SLC25A3: variants seen among roughly 807,000 people sequenced by gnomAD.
SLC25A3 encodes the protein solute carrier family 25 member 3, also known as phosphate transport protein.
SLC25A3 carries 14 observed loss-of-function variants against 37.1 expected under a neutral mutation model. The ratio of observed to expected loss-of-function variants is 0.38; its 90% confidence interval spans 0.25 to 0.59. The LOEUF (loss-of-function observed/expected upper bound fraction) is 0.59, where lower values mean the gene tolerates loss of function less well. SLC25A3 is among the 20% of genes least tolerant of loss of function. SLC25A3 has a pLI of 0.67. For synonymous variants in SLC25A3, 161 were observed against 168.7 expected (o/e 0.95, Z 0.36); for missense variants, 385 against 458.1 (o/e 0.84, Z 1.46).
At chr12:98,595,348 A>G in intron 2 of SLC25A3, 2 of 1,472,062 alleles carry the variant, frequency 1.4e-6, no homozygotes, top group Admixed American at 1.7e-5. Flanking sequence ...ATAGTATCTC[A>G]CAGGGAAACA....
At chr12:98,594,398 G>A in intron 2 of SLC25A3, 1 of 697,308 alleles carries the variant, frequency 1.4e-6, no homozygotes, top group Non-Finnish European at 2.6e-6. Flanking sequence ...GAGAGGCCGT[G>A]ACTAGCTCTT....
chr12:98,598,885 C>T (rs564666897), intron 5 of SLC25A3, among the ~76,000 whole-genome samples, 182 bp downstream of exon 5: 2 of 151,660 alleles, frequency 1.3e-5, no homozygotes, highest in African/African-American at 4.8e-5. Flanking sequence ...ACGCCATTCT[C>T]CTGCCTCAGC....
chr12:98,601,302 TGAAA>T (rs749334032), intron 7 of SLC25A3, 21 bp downstream of exon 7: 4 of 1,614,200 alleles, frequency 2.5e-6, no homozygotes, highest in African/African-American at 1.3e-5. Flanking sequence ...GTTTTTTTCT[TGAAA>T]GAAAGAACAA....
intron 2 of SLC25A3, chr12:98,595,271 A>G: frequency 1.5e-6 from 1 of 666,202 alleles, no homozygotes; most frequent in Non-Finnish European, 2.6e-6. Context: ...TTTTTAAATG[A>G]TCTGAATTTG....
In SLC25A3 at chr12:98,593,995, C is replaced by G; in HGVS notation, c.17C>G (p.Ala6Gly). ...CCTAGAAAGATGTTCTCGTCCGTGG[C>G]GCACCTGGCGCGGGCGAACCCCTTC... MFSSV[A>G]HLARANPFNT... Residue 6 changes from alanine to glycine, a missense_variant, in exon 2 of 8, where the codon GCG becomes GGG. Around this residue, in one of 2 missense-constraint regions of SLC25A3, gnomAD observed 109 missense variants for 90.5 expected, o/e 1.20. Transcript: ENST00000552981. 1.2e-6 allele frequency: 2 copies of G among 1,613,852 alleles called. No individual in the cohort carries two copies. The highest frequency in any genetic ancestry group is 1.1e-5 in the South Asian group (1 of 91,084).
At chr12:98,595,647 C>G (rs997245146) in intron 2 of SLC25A3, 80 bp from the exon 3 acceptor site, 1 of 1,613,512 alleles carries the variant, frequency 6.2e-7, no homozygotes, top group South Asian at 1.1e-5. Context: ...GTGTGGAAAC[C>G]TAACTGTCCA....
At chr12:98,595,672 G>C in intron 2 of SLC25A3, 55 bp from the exon 3 acceptor site, 1 of 1,614,006 alleles carries the variant, frequency 6.2e-7, no homozygotes, top group Admixed American at 1.7e-5. Flanking sequence ...GTAAGTTTAT[G>C]ACCAGTAACA....
chr12:98,606,358 A>G lies in SLC25A3; in HGVS notation c.*4830A>G, dbSNP rs958525290. 3.3e-5 allele frequency: 5 copies of G among 152,228 alleles called. No homozygotes were observed. Among genetic ancestry groups the G allele is most frequent in the Non-Finnish European group, 5.9e-5 (4 of 68,032 alleles). 9.4% of individuals were successfully genotyped at this position (152,228 alleles called of 1,614,324 possible). On this transcript the variant is annotated 3_prime_UTR_variant, in exon 8 of 8. Coordinates refer to ENST00000552981, the MANE Select transcript of SLC25A3 (RefSeq NM_002635.4). ...AAAATTAAAAAATTAAACATAAATA[A>G]AAGTTCAAACTATGTGTTGAATCAT...
intron 5 of SLC25A3, among the ~76,000 whole-genome samples, chr12:98,598,977 C>T (rs539335423): frequency 6.3e-4 from 95 of 151,996 alleles, no homozygotes; most frequent in African/African-American, 2.1e-3. Context: ...GGAGTTTCAC[C>T]GTCTCCATCT....
At chr12:98,599,531 C>G (rs2097595937) in intron 5 of SLC25A3, 1 of 429,258 alleles carries the variant, frequency 2.3e-6, no homozygotes, top group Non-Finnish European at 4.5e-6. Flanking sequence ...ATTTGTCGGT[C>G]TACAAATGAC....
rs570706691 is a variant in SLC25A3, at chr12:98,603,336, T to C, written c.*1808T>C. The stretch of plus-strand genomic sequence containing the variant: ...CATGGTGGCTTCAGGGCAGCTGGAC[T>C]TAGGTGGTATTTTGGGGCTCCAGGA... On this transcript the variant is annotated 3_prime_UTR_variant, in exon 8 of 8. Transcript: ENST00000552981. 1.3e-5 allele frequency: 2 copies of C among 152,342 alleles called. No homozygotes were observed. Among genetic ancestry groups the C allele is most frequent in the East Asian group, 3.9e-4 (2 of 5,184 alleles). The allele number at this position is 152,342 out of a possible 1,614,324, so 9.4% of individuals were successfully genotyped here.
chr12:98,601,131 T>A, intron 6 of SLC25A3, 40 bp from the exon 7 acceptor site: 1 of 1,604,556 alleles, frequency 6.2e-7, no homozygotes, highest in Non-Finnish European at 8.5e-7. Flanking sequence ...GAAGTTTTGT[T>A]TTTAACTGGC....
At position 98,603,193 on chromosome 12, in the gene SLC25A3, C is replaced by G. The variant is rs777467213; in HGVS notation, c.*1665C>G. 1 of 152,218 alleles carries G rather than the reference C, an allele frequency of 6.6e-6. No homozygotes were observed. Among genetic ancestry groups the G allele is most frequent in the Non-Finnish European group, 1.5e-5 (1 of 68,056 alleles). The allele number at this position is 152,218 out of a possible 1,614,324, so 9.4% of individuals were successfully genotyped here. On this transcript the variant is annotated 3_prime_UTR_variant, in exon 8 of 8. Coordinates refer to ENST00000552981, the MANE Select transcript of SLC25A3 (RefSeq NM_002635.4). The stretch of plus-strand genomic sequence containing the variant: ...GATAAGCTTTTCTGTGGGTGAAGAA[C>G]TCGGGAGTATCAGACTCTTCTGGTT...
In SLC25A3 at chr12:98,604,184, G is replaced by T. The variant is rs1281724998; in HGVS notation, c.*2656G>T. ...GGAGAATCGCTTGAACCCGGGAGGC[G>T]GAGGTTGTGGTGAGCCAAGATTGCG... On this transcript the variant is annotated 3_prime_UTR_variant, in exon 8 of 8. Coordinates refer to ENST00000552981, the MANE Select transcript of SLC25A3 (RefSeq NM_002635.4). 6.6e-6 allele frequency: 1 copy of T among 150,884 alleles called. No homozygotes were observed. Among genetic ancestry groups the T allele is most frequent in the Non-Finnish European group, 1.5e-5 (1 of 67,888 alleles). 9.3% of individuals were successfully genotyped at this position (150,884 alleles called of 1,614,324 possible).
At position 98,603,339 on chromosome 12, in the gene SLC25A3, G is replaced by A. The variant is rs538124402; in HGVS notation, c.*1811G>A. On this transcript the variant is annotated 3_prime_UTR_variant, in exon 8 of 8. Coordinates refer to ENST00000552981, the MANE Select transcript of SLC25A3 (RefSeq NM_002635.4). Reference sequence around the variant, plus strand: ...GGTGGCTTCAGGGCAGCTGGACTTAGGTGGTATTTTGGGGCTCCAGGAGAG... The same window carrying A: ...GGTGGCTTCAGGGCAGCTGGACTTAAGTGGTATTTTGGGGCTCCAGGAGAG... 6.6e-6 allele frequency: 1 copy of A among 152,230 alleles called. No homozygotes were observed. Among genetic ancestry groups the A allele is most frequent in the Non-Finnish European group, 1.5e-5 (1 of 68,078 alleles). 9.4% of individuals were successfully genotyped at this position (152,230 alleles called of 1,614,324 possible). A position where few individuals can be genotyped will look rare whatever the true frequency, so the allele number is the denominator to read the frequency against.
rs1592982723 is a variant in SLC25A3 at position 98,606,179 on chromosome 12, AAAGT to A, written c.*4654_*4657del. Reference sequence around the variant, plus strand: ...TGCATTACTGATGAGGAAAAATCTCAAAGTAATTGTAAAAAATCCTGGATATCAC... The same window carrying A: ...TGCATTACTGATGAGGAAAAATCTCAAATTGTAAAAAATCCTGGATATCAC... On this transcript the variant is annotated 3_prime_UTR_variant, in exon 8 of 8. Transcript: ENST00000552981. The A allele has an allele frequency of 6.6e-6, 1 of 152,208 alleles. No homozygotes were observed. The highest frequency in any genetic ancestry group is 1.9e-4 in the East Asian group (1 of 5,198). The allele number at this position is 152,208 out of a possible 1,614,324, so 9.4% of individuals were successfully genotyped here. A position where few individuals can be genotyped will look rare whatever the true frequency, so the allele number is the denominator to read the frequency against.
chr12:98,599,884 T>G (rs749368315), intron 5 of SLC25A3, 71 bp from the exon 6 acceptor site: 2 of 1,548,418 alleles, frequency 1.3e-6, no homozygotes, highest in East Asian at 4.5e-5. Context: ...TGCGGACATT[T>G]CTGTTAATAA....
At position 98,601,210 on chromosome 12, in the gene SLC25A3, C is replaced by T. The variant is rs765481924; in HGVS notation, c.854C>T (p.Ser285Phe). The stretch of plus-strand genomic sequence containing the variant: ...GCAATTGTTTCTCACCCTGCTGATT[C>T]TGTGGTATCTGTGTTGAATAAAGAA... ...FCAIVSHPAD[S>F]VVSVLNKEKG... Residue 285 changes from serine to phenylalanine, a missense_variant, in exon 7 of 8, where the codon TCT becomes TTT. Ser to Phe is a radical substitution (Grantham distance 155). Around this residue, in one of 2 missense-constraint regions of SLC25A3, gnomAD observed 276 missense variants for 367.6 expected, o/e 0.75. Coordinates refer to ENST00000552981, the MANE Select transcript of SLC25A3 (RefSeq NM_002635.4). 3 of 1,613,362 alleles carry T rather than the reference C, an allele frequency of 1.9e-6. No homozygotes were observed. The African/African-American group carries it at 4.0e-5, about 22-fold the overall frequency.
At position 98,603,963 on chromosome 12, in the gene SLC25A3, A is replaced by G. The variant is rs1365676355; in HGVS notation, c.*2435A>G. 1 of 152,202 alleles carries G rather than the reference A, an allele frequency of 6.6e-6. No homozygotes were observed. The highest frequency in any genetic ancestry group is 3.2e-3 in the Middle Eastern group (1 of 316). The allele number at this position is 152,202 out of a possible 1,614,324, so 9.4% of individuals were successfully genotyped here. ...AAGCAGAACCCAGTGGAGTAAGAAT[A>G]CACGAAACTGCCAGGCACAGTGGGT... On this transcript the variant is annotated 3_prime_UTR_variant, in exon 8 of 8. Coordinates refer to ENST00000552981, the MANE Select transcript of SLC25A3 (RefSeq NM_002635.4).
Sources: allele counts gnomAD v4.1 joint callset (sites outside exome capture counted in the v4.1 genomes callset), GRCh38; gene constraint gnomAD v4.1.1; regional missense constraint gnomAD v4.1.1; transcripts MANE v1.5; gene names NCBI Gene and HGNC (gene_info 2026-07-23, HGNC 2026-07-21).